CCNY: variants seen among roughly 807,000 people sequenced by gnomAD.
The protein encoded by CCNY is cyclin Y.
Under a neutral mutation model 42.8 loss-of-function variants are expected in CCNY, and 19 were observed. The observed-to-expected ratio is 0.44, with a 90% CI of 0.31 to 0.65. The LOEUF (loss-of-function observed/expected upper bound fraction) is 0.65. Among genes scored for constraint, CCNY ranks in the 30% least tolerant of loss-of-function variants. The pLI is 0.07. For missense variants in CCNY, 370 were observed against 437.3 expected, an observed-to-expected ratio of 0.85 and a Z score of 1.37; for synonymous variants, 165 against 162.7, an observed-to-expected ratio of 1.01 and a Z score of -0.11.
At chr10:35,552,903 G>T in intron 7 of CCNY, 116 bp from the exon 8 acceptor site, 1 of 1,048,110 alleles carries the variant, frequency 9.5e-7, no homozygotes, top group Non-Finnish European at 1.4e-6. Flanking sequence ...AAATGTGATT[G>T]GGTAATAAAT....
At chr10:35,416,536 A>G (rs968310054) in intron 1 of CCNY, among the ~76,000 whole-genome samples, 4 of 152,234 alleles carry the variant, frequency 2.6e-5, no homozygotes, top group African/African-American at 9.6e-5. Context: ...GGGAAGCACC[A>G]TGACGTATAA....
chr10:35,398,681 A>G (rs1837577822), intron 1 of CCNY, among the ~76,000 whole-genome samples: 1 of 152,190 alleles, frequency 6.6e-6, no homozygotes. Flanking sequence ...TGCATTTTAC[A>G]AAATGCTCAC....
At chr10:35,478,515 C>A (rs995234598) in intron 1 of CCNY, among the ~76,000 whole-genome samples, 2 of 152,068 alleles carry the variant, frequency 1.3e-5, no homozygotes, top group African/African-American at 4.8e-5. Flanking sequence ...CTTTGACAAA[C>A]CTGAGAAAAA....
chr10:35,346,331 G>C (rs1445199764), intron 1 of CCNY, among the ~76,000 whole-genome samples: 1 of 152,080 alleles, frequency 6.6e-6, no homozygotes, highest in Non-Finnish European at 1.5e-5. Context: ...TAGGCTCTCT[G>C]TCTCCCTTTA....
chr10:35,332,653 G>A (rs1196438704), upstream of CCNY, among the ~76,000 whole-genome samples: 1 of 152,160 alleles, frequency 6.6e-6, no homozygotes, highest in African/African-American at 2.4e-5. Context: ...CACCCAGGCT[G>A]GAGTGCAGTG....
intron 5 of CCNY, among the ~76,000 whole-genome samples, chr10:35,527,770 T>C (rs1348843011): frequency 6.6e-6 from 1 of 152,248 alleles, no homozygotes; most frequent in Non-Finnish European, 1.5e-5. Context: ...GCCACCTGCA[T>C]GTCTCTAGGT....
chr10:35,446,483 G>A (rs1838792668), intron 1 of CCNY, among the ~76,000 whole-genome samples: 1 of 152,182 alleles, frequency 6.6e-6, no homozygotes, highest in Non-Finnish European at 1.5e-5. Context: ...ATGCATTTGT[G>A]TGCAAGAAAT....
At position 35,249,922 on chromosome 10, in the gene CCNY, C is replaced by T. The variant is rs182659078; in HGVS notation, c.-113-600C>T. On this transcript the variant is annotated intron_variant, in intron 2 of 11. Transcript: ENST00000374706. Reference sequence around the variant, plus strand: ...AAAATTAGCCGGGTGTGGCCGGGTGCGGTGGCTCACGCCTGTAATCCCAGC... The same window carrying T: ...AAAATTAGCCGGGTGTGGCCGGGTGTGGTGGCTCACGCCTGTAATCCCAGC... 5.9e-5 allele frequency among the ~76,000 whole-genome samples: 9 copies of T among 152,104 alleles called. No homozygotes were observed. The East Asian group carries it at 1.2e-3, about 20-fold the overall frequency.
Position 35,337,151 on chromosome 10 carries a change from G to A in CCNY, c.98G>A (p.Ser33Asn). ...LESYRPDTDL[S>N]REDTGCNLQH... ...TCCTACCGGCCAGACACGGACCTGA[G>A]CCGCGAGGACACGGGCTGCAACCTG... The change falls in exon 1 of 10, where the codon AGC becomes AAC. Residue 33 changes from serine (S) to asparagine (N), a missense_variant. Ser to Asn is a conservative substitution (Grantham distance 46). Coordinates refer to ENST00000374704, the MANE Select transcript of CCNY (RefSeq NM_145012.6). 4 of 1,584,344 alleles carry A rather than the reference G, an allele frequency of 2.5e-6. No individual in the cohort carries two copies. Among genetic ancestry groups the A allele is most frequent in the Non-Finnish European group, 3.4e-6 (4 of 1,167,500 alleles).
rs150186520 is a variant in CCNY, at chr10:35,389,945, A to G, written c.154+52738A>G. Among the ~76,000 whole-genome samples the G allele has an allele frequency of 3.6e-3, 546 of 152,302 alleles. 5 individuals carry two copies. Among genetic ancestry groups the G allele is most frequent in the African/African-American group, 0.013 (521 of 41,562 alleles). The stretch of plus-strand genomic sequence containing the variant: ...AAATGAACAAAGTGAATTATTTCCT[A>G]TCTATCTGAAGACTGCTCTCTGCTA... On this transcript the variant is annotated intron_variant, in intron 1 of 9. Transcript: ENST00000374704.
At chr10:35,564,173 C>G (rs1271225168) in intron 8 of CCNY, among the ~76,000 whole-genome samples, 1 of 69,096 alleles carries the variant, frequency 1.4e-5, no homozygotes, top group African/African-American at 5.7e-5. Context: ...AGTGACCACA[C>G]CCAGCCTAAA....
intron 8 of CCNY, among the ~76,000 whole-genome samples, chr10:35,561,193 A>G (rs1369162476): frequency 6.6e-6 from 1 of 152,166 alleles, no homozygotes; most frequent in African/African-American, 2.4e-5. Context: ...GGAAGTCCCC[A>G]AGATCCTAGA....
intron 1 of CCNY, among the ~76,000 whole-genome samples, chr10:35,348,791 T>C (rs1012624540): frequency 2.6e-5 from 4 of 152,188 alleles, no homozygotes; most frequent in Non-Finnish European, 5.9e-5. Context: ...AGCATGGCAG[T>C]GATTCTCAGT....
chr10:35,308,225 G>T (rs1835637688), intron 3 of CCNY, among the ~76,000 whole-genome samples: 1 of 152,034 alleles, frequency 6.6e-6, no homozygotes, highest in South Asian at 2.1e-4. Context: ...CAGGATCACA[G>T]ATTGCCTGAT....
intron 3 of CCNY, among the ~76,000 whole-genome samples, chr10:35,291,787 G>A (rs1470606400): frequency 1.3e-5 from 2 of 151,986 alleles, no homozygotes; most frequent in East Asian, 1.9e-4. Flanking sequence ...CACTGGCCTC[G>A]GCCTCCCAAA....
chr10:35,445,985 C>A (rs772257710), intron 1 of CCNY, among the ~76,000 whole-genome samples: 2 of 152,220 alleles, frequency 1.3e-5, no homozygotes, highest in South Asian at 4.1e-4. Context: ...TCGTTTAGCA[C>A]CCTTTACTCT....
intron 3 of CCNY, 74 bp from the exon 4 acceptor site, chr10:35,516,449 A>G (rs1840427327): frequency 6.2e-6 from 6 of 969,610 alleles, no homozygotes; most frequent in South Asian, 1.3e-5. Context: ...TCTCAAGTTA[A>G]GCGGGGGTGA....
At chr10:35,418,759 T>A (rs1396672671) in intron 1 of CCNY, among the ~76,000 whole-genome samples, 1 of 152,040 alleles carries the variant, frequency 6.6e-6, no homozygotes, top group Non-Finnish European at 1.5e-5. Flanking sequence ...CTTGCTCATG[T>A]GAGGTGTGAT....
rs777283087 is a variant in CCNY at position 35,516,582 on chromosome 10, T to C, written c.324T>C (p.Asp108=). 2.5e-6 allele frequency: 4 copies of C among 1,612,838 alleles called. No homozygotes were observed. The highest frequency in any genetic ancestry group is 2.2e-5 in the East Asian group (1 of 44,800). The change falls in exon 4 of 10, where the codon GAT becomes GAC. Residue 108 remains aspartate (D), a synonymous_variant. Coordinates refer to ENST00000374704, the MANE Select transcript of CCNY (RefSeq NM_145012.6). ...YSSCSTIFLD[D]STVSQPNLKY... ...CCTGCTCCACCATTTTCCTAGATGATAGCACAGTCAGTCAACCAAACCTCA... is the reference window on the plus strand; with the variant it reads ...CCTGCTCCACCATTTTCCTAGATGACAGCACAGTCAGTCAACCAAACCTCA...
Sources: gnomAD v4.1 joint callset for allele counts (sites outside exome capture counted in the v4.1 genomes callset) on GRCh38, gnomAD v4.1.1 for gene constraint, MANE v1.5 for transcripts, NCBI Gene and HGNC (gene_info 2026-07-23, HGNC 2026-07-21) for gene names.